CDH18: variants seen among roughly 807,000 people sequenced by gnomAD.
The protein encoded by CDH18 is cadherin-18.
CDH18 carries 31 observed loss-of-function variants against 67.9 expected under a neutral mutation model. The observed-to-expected ratio is 0.46, with a 90% CI of 0.34 to 0.62. The LOEUF (loss-of-function observed/expected upper bound fraction) is 0.62. Among genes scored for constraint, CDH18 ranks in the 20% least tolerant of loss-of-function variants. The pLI, the probability that CDH18 is intolerant of heterozygous loss-of-function variation, is 0.01. For missense variants in CDH18, 890 were observed against 975.5 expected (o/e 0.91, Z 1.17); for synonymous variants, 362 against 347.2 (o/e 1.04, Z -0.48).
At chr5:20,008,862 G>T (rs1332240932) in intron 2 of CDH18, among the ~76,000 whole-genome samples, 2 of 152,114 alleles carry the variant, frequency 1.3e-5, no homozygotes, top group Admixed American at 6.5e-5. Context: ...CCACAAAGTT[G>T]TTACAGCGAT....
At chr5:20,434,253 A>G (rs575094918) in intron 1 of CDH18, among the ~76,000 whole-genome samples, 1 of 152,238 alleles carries the variant, frequency 6.6e-6, no homozygotes, top group African/African-American at 2.4e-5. Context: ...AATTAAAAAC[A>G]TTGATGAGGA....
chr5:19,570,533 A>G (rs946486343), intron 8 of CDH18, among the ~76,000 whole-genome samples: 5 of 152,160 alleles, frequency 3.3e-5, no homozygotes, highest in African/African-American at 1.2e-4. Flanking sequence ...GATACTGAGG[A>G]GACTATTTAG....
intron 8 of CDH18, among the ~76,000 whole-genome samples, chr5:19,546,492 C>T (rs2127102459): frequency 6.6e-6 from 1 of 152,112 alleles, no homozygotes; most frequent in Non-Finnish European, 1.5e-5. Flanking sequence ...TAGAAATTTC[C>T]CATTGAAAGT....
chr5:20,515,287 G>A (rs996979211), intron 1 of CDH18, among the ~76,000 whole-genome samples: 4 of 150,728 alleles, frequency 2.7e-5, no homozygotes, highest in Admixed American at 2.0e-4. Context: ...GGAAGAAAGG[G>A]GGAGAGAGAA....
chr5:20,498,431 T>C (rs1011416650), intron 1 of CDH18, among the ~76,000 whole-genome samples: 9 of 152,074 alleles, frequency 5.9e-5, no homozygotes, highest in African/African-American at 1.7e-4. Context: ...TTGGGAATCA[T>C]TGGAGATTGC....
chr5:19,739,984 T>TG (rs1462765086), intron 4 of CDH18, among the ~76,000 whole-genome samples: 2 of 151,020 alleles, frequency 1.3e-5, no homozygotes, highest in East Asian at 3.9e-4. Flanking sequence ...AGATTGGAGG[T>TG]GAAAAAAAAA....
chr5:19,933,763 C>T (rs1056122920), intron 2 of CDH18, among the ~76,000 whole-genome samples: 4 of 151,428 alleles, frequency 2.6e-5, no homozygotes, highest in African/African-American at 7.3e-5. Context: ...CTTTCTGGCA[C>T]ATTTTAGCGT....
At chr5:20,541,033 C>T (rs868582559) in intron 1 of CDH18, among the ~76,000 whole-genome samples, 14 of 152,108 alleles carry the variant, frequency 9.2e-5, no homozygotes, top group African/African-American at 3.1e-4. Flanking sequence ...AGTAGGGCTA[C>T]GTGCTATTTG....
chr5:20,417,668 A>G (rs1747430135), intron 1 of CDH18, among the ~76,000 whole-genome samples: 1 of 152,190 alleles, frequency 6.6e-6, no homozygotes, highest in African/African-American at 2.4e-5. Flanking sequence ...GAAGACAGTT[A>G]GAGAAGACAG....
chr5:20,305,628 T>G, intron 1 of CDH18: 7 of 385,266 alleles, frequency 1.8e-5, no homozygotes, highest in East Asian at 6.3e-5. Context: ...ACCCAGAGAC[T>G]CAAACGCCAT....
chr5:20,507,371 T>C (rs1754722406), intron 1 of CDH18, among the ~76,000 whole-genome samples: 1 of 152,188 alleles, frequency 6.6e-6, no homozygotes, highest in African/African-American at 2.4e-5. Context: ...TCTATACTTA[T>C]TGAGTGGAAT....
At chr5:20,228,878 C>A (rs556538400) in intron 2 of CDH18, among the ~76,000 whole-genome samples, 1 of 152,130 alleles carries the variant, frequency 6.6e-6, no homozygotes, top group South Asian at 2.1e-4. Flanking sequence ...AGTGAATATC[C>A]TCTTCTTGAC....
At chr5:19,525,731 T>C (rs1036947049) in intron 9 of CDH18, among the ~76,000 whole-genome samples, 1 of 152,176 alleles carries the variant, frequency 6.6e-6, no homozygotes, top group African/African-American at 2.4e-5. Context: ...ATTTCTGTAG[T>C]TGTGAACTGA....
chr5:19,845,131 T>C (rs1173062514), intron 2 of CDH18, among the ~76,000 whole-genome samples: 1 of 152,112 alleles, frequency 6.6e-6, no homozygotes, highest in African/African-American at 2.4e-5. Context: ...ATTATAGTTG[T>C]TAAGATAGTT....
intron 6 of CDH18, among the ~76,000 whole-genome samples, chr5:19,604,579 A>T (rs1389180795): frequency 6.8e-6 from 1 of 146,966 alleles, no homozygotes; most frequent in Non-Finnish European, 1.5e-5. Flanking sequence ...ACACACACAA[A>T]GTATTCTGAG....
intron 4 of CDH18, among the ~76,000 whole-genome samples, chr5:19,741,198 GTA>G (rs1395143045): frequency 8.2e-5 from 12 of 146,752 alleles, no homozygotes; most frequent in South Asian, 2.1e-4. Context: ...ATGTATATAT[GTA>G]TATATGTCAT....
intron 5 of CDH18, among the ~76,000 whole-genome samples, chr5:19,704,135 G>A (rs1268451201): frequency 1.3e-5 from 2 of 152,170 alleles, no homozygotes; most frequent in South Asian, 2.1e-4. Flanking sequence ...AGGCAAAGCA[G>A]CTTATTGGGT....
chr5:19,773,191 T>C (rs1053931748), intron 3 of CDH18, among the ~76,000 whole-genome samples: 4 of 152,114 alleles, frequency 2.6e-5, no homozygotes, highest in Non-Finnish European at 5.9e-5. Context: ...TTTAGGACTA[T>C]ACCATATAAA....
chr5:20,485,767 A>G (rs1211154477), intron 1 of CDH18, among the ~76,000 whole-genome samples: 1 of 152,188 alleles, frequency 6.6e-6, no homozygotes. Flanking sequence ...ACCTGAGGGT[A>G]CATTTTGGCA....
Sources: allele counts gnomAD v4.1 joint callset (sites outside exome capture counted in the v4.1 genomes callset), GRCh38; gene constraint gnomAD v4.1.1; transcripts MANE v1.5; gene names NCBI Gene and HGNC (gene_info 2026-07-23, HGNC 2026-07-21).